PABIR3: variants seen among roughly 807,000 people sequenced by gnomAD.
The protein encoded by PABIR3 is PABIR family member 3.
PABIR3 carries 20 observed loss-of-function variants against 23.1 expected under a neutral mutation model. The observed-to-expected ratio is 0.86, with a 90% confidence interval of 0.61 to 1.26. PABIR3 has a LOEUF of 1.26. Among genes scored for constraint, PABIR3 ranks in the 50% most tolerant of loss-of-function variants. The probability of loss-of-function intolerance (pLI) is 0.00; values close to 1 mark genes in which losing one functional copy is unlikely to be tolerated. For synonymous variants in PABIR3, 69 were observed against 68.5 expected (o/e 1.01, Z -0.04); for missense variants, 189 against 195.4 (o/e 0.97, Z 0.20).
rs993691961 is a variant in PABIR3 at position 134,800,650 on chromosome X, C to T, written c.-97-3451C>T. 8.2e-5 allele frequency among the ~76,000 whole-genome samples: 9 copies of T among 109,471 alleles called. No homozygotes were observed. The Admixed American group carries it at 8.7e-4, about 11-fold the overall frequency. ...ACTAAAAATACAAAACTTAGCAGGG[C>T]GTGGTGGTGCTCGTCTGTAGTCCCA... On this transcript the variant is annotated intron_variant, in intron 1 of 4. Transcript: ENST00000414371.
chrX:134,811,198 G>T, intron 2 of PABIR3: 1 of 725,809 alleles, frequency 1.4e-6, no homozygotes, highest in Non-Finnish European at 1.6e-6. Flanking sequence ...TGAACCTCTT[G>T]GTTCTTTATA....
At chrX:134,810,877 A>AGG (rs2080615918) in intron 2 of PABIR3, 29 of 751,945 alleles carry the variant, frequency 3.9e-5, no homozygotes, top group Non-Finnish European at 4.4e-5. Flanking sequence ...CTCAGAAAGA[A>AGG]GTAACATAGG....
chrX:134,811,653 T>G (rs989568390), intron 2 of PABIR3, among the ~76,000 whole-genome samples: 1 of 111,543 alleles, frequency 9.0e-6, no homozygotes, highest in Admixed American at 9.6e-5. Context: ...CAGGCTAGTC[T>G]TGAACCCTTG....
chrX:134,802,527 A>G (rs1285078828), upstream of PABIR3, among the ~76,000 whole-genome samples: 2 of 112,239 alleles, frequency 1.8e-5, no homozygotes, highest in Non-Finnish European at 1.9e-5. Context: ...AGAGAGGACC[A>G]GAATGGGGAG....
chrX:134,798,917 C>T (rs894258895), intron 1 of PABIR3, among the ~76,000 whole-genome samples: 1 of 111,840 alleles, frequency 8.9e-6, no homozygotes, highest in African/African-American at 3.3e-5. Context: ...ACTGAAAAGG[C>T]AAACAAACAA....
At chrX:134,838,646 CTCCCCCTCCCCCTCCCCCCTCCCCCCCT>C (rs2082060381) in intron 4 of PABIR3, 1 of 9,315 alleles carries the variant, frequency 1.1e-4, no homozygotes, top group African/African-American at 7.0e-4. Flanking sequence ...CCCTCTCCCT[CTCCCCCTCCCCCTCCCCCCTCCCCCCCT>C]CCCCCCTCCC....
intron 2 of PABIR3, among the ~76,000 whole-genome samples, chrX:134,808,871 C>T (rs1452256665): frequency 1.8e-5 from 2 of 111,767 alleles, no homozygotes; most frequent in Non-Finnish European, 3.8e-5. Flanking sequence ...GCTTGATCTC[C>T]TAAATTACAC....
intron 2 of PABIR3, chrX:134,811,077 A>G (rs989474256): frequency 3.3e-5 from 25 of 751,678 alleles, no homozygotes; most frequent in Non-Finnish European, 3.9e-5. Flanking sequence ...TAAATTCCTT[A>G]GGTTTGTTTC....
the PABIR3 span, among the ~76,000 whole-genome samples, chrX:134,860,240 A>G: frequency 9.0e-6 from 1 of 110,778 alleles, no homozygotes; most frequent in Non-Finnish European, 1.9e-5. Flanking sequence ...GACGCATGCC[A>G]CCATGCTCAT....
chrX:134,821,088 G>GTGTATATA (rs748164853), intron 3 of PABIR3, among the ~76,000 whole-genome samples: 8 of 96,854 alleles, frequency 8.3e-5, no homozygotes, highest in Admixed American at 2.4e-4. Flanking sequence ...GTGTGTGTGT[G>GTGTATATA]TATATATATA....
intron 4 of PABIR3, among the ~76,000 whole-genome samples, chrX:134,839,852 T>C (rs1420042815): frequency 9.1e-6 from 1 of 109,600 alleles, no homozygotes; most frequent in Non-Finnish European, 1.9e-5. Flanking sequence ...CCGCCCCGTC[T>C]GGGAGGTGTA....
At chrX:134,844,017 A>G (rs2082352617) in intron 4 of PABIR3, 2 of 101,035 alleles carry the variant, frequency 2.0e-5, no homozygotes, top group Non-Finnish European at 3.9e-5. Flanking sequence ...CTTTGCCTCC[A>G]GGATTCAAGC....
the PABIR3 span, among the ~76,000 whole-genome samples, chrX:134,864,226 T>A: frequency 1.8e-5 from 2 of 110,223 alleles, no homozygotes; most frequent in African/African-American, 6.6e-5. Flanking sequence ...GGGTTTCACA[T>A]GTTGGCCAGG....
At chrX:134,838,560 C>G (rs1219685177) in intron 4 of PABIR3, among the ~76,000 whole-genome samples, 4 of 107,023 alleles carry the variant, frequency 3.7e-5, no homozygotes, top group African/African-American at 1.4e-4. Flanking sequence ...ACCTCGGCCT[C>G]CCAAAGTGCT....
At chrX:134,809,446 T>C in intron 2 of PABIR3, 4 of 738,672 alleles carry the variant, frequency 5.4e-6, no homozygotes, top group Non-Finnish European at 4.8e-6. Flanking sequence ...ATTACAGGCG[T>C]GAGCCACTGC....
downstream of PABIR3, among the ~76,000 whole-genome samples, chrX:134,856,576 A>G (rs1369136948): frequency 8.9e-6 from 1 of 111,815 alleles, no homozygotes; most frequent in African/African-American, 3.2e-5. Context: ...CAGGGATTCC[A>G]TAGTTGGTTC....
At chrX:134,861,933 G>A in the PABIR3 span, among the ~76,000 whole-genome samples, 62 of 110,201 alleles carry the variant, frequency 5.6e-4, no homozygotes, top group Non-Finnish European at 9.3e-4. Context: ...GGGACAGCTT[G>A]TGGGATTGAT....
upstream of PABIR3, chrX:134,807,057 G>A (rs999490533): frequency 1.3e-5 from 6 of 455,255 alleles, no homozygotes; most frequent in Admixed American, 8.9e-5. Context: ...GAGGAAGGAG[G>A]GCAGGACATG....
At chrX:134,829,427 A>T in intron 4 of PABIR3, 145 bp downstream of exon 4, 1 of 507,760 alleles carries the variant, frequency 2.0e-6, no homozygotes, top group Non-Finnish European at 3.1e-6. Flanking sequence ...TCTTCAAAAA[A>T]AAAACAAAAC....
Sources: allele counts gnomAD v4.1 joint callset (sites outside exome capture counted in the v4.1 genomes callset), GRCh38; gene constraint gnomAD v4.1.1; transcripts MANE v1.5; gene names NCBI Gene and HGNC (gene_info 2026-07-23, HGNC 2026-07-21).